C4orf50: variants seen among roughly 807,000 people sequenced by gnomAD.
C4orf50 encodes the protein uncharacterized protein C4orf50.
A neutral mutation model predicts 77.2 loss-of-function variants in C4orf50; 80 were observed. The observed-to-expected ratio is 1.04, with a 90% CI of 0.87 to 1.25. The LOEUF is 1.25. Ranked by LOEUF, C4orf50 falls within the 50% of genes most tolerant of loss-of-function variation. The pLI is 0.00. For synonymous variants in C4orf50, 532 were observed against 465.3 expected, an observed-to-expected ratio of 1.14 and a Z score of -1.84; for missense variants, 1,257 against 1,152.9, an observed-to-expected ratio of 1.09 and a Z score of -1.31.
At chr4:6,005,235 G>C (rs1722200113) in intron 25 of C4orf50, among the ~76,000 whole-genome samples, 1 of 152,204 alleles carries the variant, frequency 6.6e-6, no homozygotes, top group Admixed American at 6.5e-5. Context: ...CTGCTGATGA[G>C]AGACCGAGGC....
intron 7 of C4orf50, among the ~76,000 whole-genome samples, chr4:5,943,529 C>G (rs935370220): frequency 1.3e-5 from 2 of 152,180 alleles, no homozygotes; most frequent in Non-Finnish European, 2.9e-5. Context: ...TGGGAAGATT[C>G]CCAGACCTCA....
intron 7 of C4orf50, among the ~76,000 whole-genome samples, chr4:5,906,695 C>T (rs774027083): frequency 6.6e-6 from 1 of 152,288 alleles, no homozygotes; most frequent in African/African-American, 2.4e-5. Context: ...ACACACAGCT[C>T]GTGGCCGCAT....
At chr4:5,949,297 C>T (rs940662140) in intron 7 of C4orf50, among the ~76,000 whole-genome samples, 1 of 152,220 alleles carries the variant, frequency 6.6e-6, no homozygotes. Context: ...CACCAGGGTT[C>T]ACAGATTGAT....
chr4:5,978,263 C>T (rs1030527062), intron 29 of C4orf50, among the ~76,000 whole-genome samples: 1 of 150,932 alleles, frequency 6.6e-6, no homozygotes, highest in African/African-American at 2.4e-5. Flanking sequence ...TTTAAAGCAA[C>T]TGCGATAGAG....
At position 5,932,184 on chromosome 4, in the gene C4orf50, G is replaced by A. The variant is rs1355543256; in HGVS notation, c.*2474+24717C>T. On this transcript the variant is annotated intron_variant, in intron 7 of 7. Coordinates refer to the C4orf50 transcript ENST00000324058. This position sits in a 1 kb window ranked among gnomAD's most constrained non-coding sequence, Gnocchi z 4.2. ...ACCCACTGGCTGGCTATCTTCACAG[G>A]CAGGTGAACCATGCACACAGTTCTT... 1.3e-5 allele frequency among the ~76,000 whole-genome samples: 2 copies of A among 152,020 alleles called. No homozygotes were observed. Among genetic ancestry groups the A allele is most frequent in the African/African-American group, 2.4e-5 (1 of 41,404 alleles).
chr4:5,952,153 C>T (rs531911188), downstream of C4orf50, among the ~76,000 whole-genome samples: 8 of 152,232 alleles, frequency 5.3e-5, no homozygotes, highest in South Asian at 6.2e-4. This position sits in a 1 kb window ranked among gnomAD's most constrained non-coding sequence, Gnocchi z 4.4. Flanking sequence ...GAGCTGCCAA[C>T]GAACCAGGGT....
intron 7 of C4orf50, among the ~76,000 whole-genome samples, chr4:5,924,272 C>A (rs1401705538): frequency 1.3e-5 from 2 of 152,158 alleles, no homozygotes; most frequent in African/African-American, 4.8e-5. Flanking sequence ...CTTTAGAGAA[C>A]CCTGACTAAT....
Position 6,017,896 on chromosome 4 carries a change from G to A in C4orf50, c.287+249C>T, listed in dbSNP as rs372369499. ...TTCTCCCTGCCTCCCTCCGTTTCAG[G>A]GCCTCCCATTGGCTGCACCTAAATG... On this transcript the variant is annotated intron_variant, in intron 23 of 33. Coordinates refer to ENST00000531445, the Ensembl canonical transcript of C4orf50. This position sits in a 1 kb window ranked among gnomAD's most constrained non-coding sequence, Gnocchi z 4.7. 6.6e-5 allele frequency among the ~76,000 whole-genome samples: 10 copies of A among 152,230 alleles called. No homozygotes were observed. The highest frequency in any genetic ancestry group is 2.4e-4 in the African/African-American group (10 of 41,538).
intron 33 of C4orf50, among the ~76,000 whole-genome samples, chr4:5,960,307 C>T (rs1475843401): frequency 2.6e-5 from 4 of 152,188 alleles, no homozygotes; most frequent in African/African-American, 7.2e-5. Flanking sequence ...GGCACCTTCC[C>T]GCAAATGACA....
At chr4:5,951,548 A>C (rs1019037773) in intron 7 of C4orf50, among the ~76,000 whole-genome samples, 13 of 152,236 alleles carry the variant, frequency 8.5e-5, no homozygotes, top group African/African-American at 3.1e-4. Context: ...TACAAATGTG[A>C]AGCTGAGAAA....
At chr4:5,952,964 G>A (rs557738269), downstream of C4orf50, among the ~76,000 whole-genome samples, 19 of 152,338 alleles carry the variant, frequency 1.2e-4, no homozygotes, top group East Asian at 9.6e-4. This position sits in a 1 kb window ranked among gnomAD's most constrained non-coding sequence, Gnocchi z 4.4. Context: ...AGGGACAGCC[G>A]AAGGGAACCA....
intron 7 of C4orf50, among the ~76,000 whole-genome samples, chr4:5,924,763 G>A (rs550161938): frequency 3.9e-5 from 6 of 152,278 alleles, no homozygotes; most frequent in East Asian, 1.9e-4. Context: ...AATATGAAGC[G>A]GCTTTATAGA....
At chr4:6,004,191 A>ATGATGG (rs1577991983) in intron 25 of C4orf50, among the ~76,000 whole-genome samples, 3 of 146,894 alleles carry the variant, frequency 2.0e-5, no homozygotes, top group Admixed American at 1.4e-4. Flanking sequence ...GGTGATGGTG[A>ATGATGG]TGATGGTGAT....
intron 7 of C4orf50, among the ~76,000 whole-genome samples, chr4:5,933,156 A>G (rs1023746411): frequency 6.6e-6 from 1 of 152,114 alleles, no homozygotes; most frequent in Non-Finnish European, 1.5e-5. Context: ...TCCATGTCAT[A>G]TCTTAGCTGC....
At position 5,965,868 on chromosome 4, in the gene C4orf50, T is replaced by C. The variant is rs145614400; in HGVS notation, c.4154-723A>G. Among the ~76,000 whole-genome samples, 3 of 152,288 alleles carry C rather than the reference T, an allele frequency of 2.0e-5. No homozygotes were observed. The East Asian group carries it at 5.8e-4, about 29-fold the overall frequency. ...TGGCTCAGAGAGGTTAATGAACTCA[T>C]CTAAGACCACACAGCTGGCAAGAAG... On this transcript the variant is annotated intron_variant, in intron 32 of 33. Transcript: ENST00000531445.
chr4:5,964,319 C>T (rs1162419279), intron 33 of C4orf50, among the ~76,000 whole-genome samples: 2 of 139,820 alleles, frequency 1.4e-5, no homozygotes, highest in Admixed American at 1.4e-4. Context: ...ATGCAGCAGA[C>T]CTCCTGAGCA....
Position 5,900,385 on chromosome 4 carries a change from G to C in C4orf50, c.*2475-2197C>G, listed in dbSNP as rs1309093299. 6.6e-6 allele frequency: 1 copy of C among 151,820 alleles called. No individual in the cohort carries two copies. Among genetic ancestry groups the C allele is most frequent in the East Asian group, 1.9e-4 (1 of 5,160 alleles). The allele number at this position is 151,820 out of a possible 1,614,324, so 9.4% of individuals were successfully genotyped here. ...GCTTGATTTCACACCGAGAAACTAG[G>C]TAAGGAAGGCTACGGAAGGGTGGAT... On this transcript the variant is annotated intron_variant, in intron 7 of 7. Coordinates refer to the C4orf50 transcript ENST00000324058. This position sits in a 1 kb window ranked among gnomAD's most constrained non-coding sequence, Gnocchi z 4.3.
chr4:5,971,205 G>A (rs1719888477), intron 31 of C4orf50, among the ~76,000 whole-genome samples: 2 of 152,206 alleles, frequency 1.3e-5, no homozygotes, highest in South Asian at 4.1e-4. Context: ...TGGGCTCCTA[G>A]CCAGAGCCCA....
chr4:5,956,131 G>T (rs916722342), downstream of C4orf50, among the ~76,000 whole-genome samples: 2 of 152,196 alleles, frequency 1.3e-5, no homozygotes, highest in African/African-American at 4.8e-5. Context: ...ATCAGAAAGG[G>T]TCACACAGCA....
Sources: allele counts gnomAD v4.1 joint callset (sites outside exome capture counted in the v4.1 genomes callset), GRCh38; gene constraint gnomAD v4.1.1; non-coding constraint Gnocchi (gnomAD v3.1); transcripts MANE v1.5; gene names NCBI Gene and HGNC (gene_info 2026-07-23, HGNC 2026-07-21).